ADRA1B: variants seen among roughly 807,000 people sequenced by gnomAD.
The protein encoded by ADRA1B is adrenoceptor alpha 1B.
Under a neutral mutation model 17.9 loss-of-function variants are expected in ADRA1B, and 17 were observed. The observed-to-expected ratio is 0.95, with a 90% CI of 0.65 to 1.42. ADRA1B has a LOEUF of 1.42. Among genes scored for constraint, ADRA1B ranks in the 40% most tolerant of loss-of-function variants. The pLI is 0.00. For synonymous variants in ADRA1B, 366 were observed against 327.6 expected (o/e 1.12, Z -1.27); for missense variants, 681 against 722.1 (o/e 0.94, Z 0.65).
chr5:159,987,408 C>G, the ADRA1B span, among the ~76,000 whole-genome samples: 10 of 152,318 alleles, frequency 6.6e-5, no homozygotes, highest in East Asian at 1.9e-3. Flanking sequence ...CCGCCTGGAG[C>G]GGGGCATCCT....
chr5:159,930,782 A>G (rs1039196251), intron 1 of ADRA1B, among the ~76,000 whole-genome samples: 9 of 151,918 alleles, frequency 5.9e-5, no homozygotes, highest in Non-Finnish European at 1.2e-4. Context: ...TAACCTCTGT[A>G]TTATTTCACA....
At chr5:159,889,909 C>A (rs1475060278) in intron 1 of ADRA1B, among the ~76,000 whole-genome samples, 1 of 152,192 alleles carries the variant, frequency 6.6e-6, no homozygotes, top group Non-Finnish European at 1.5e-5. Context: ...TTGAACCTAA[C>A]ACTTATGATT....
intron 1 of ADRA1B, among the ~76,000 whole-genome samples, chr5:159,889,486 C>T (rs181092168): frequency 5.4e-4 from 82 of 152,236 alleles, no homozygotes; most frequent in African/African-American, 1.8e-3. Flanking sequence ...ACTCTAGATC[C>T]CTGACTTGCC....
chr5:159,986,194 A>G, the ADRA1B span, among the ~76,000 whole-genome samples: 1 of 152,220 alleles, frequency 6.6e-6, no homozygotes, highest in South Asian at 2.1e-4. Context: ...CTCCTGGCTC[A>G]AGGGATCCTC....
At chr5:159,960,893 G>A (rs1184693301) in intron 1 of ADRA1B, among the ~76,000 whole-genome samples, 1 of 152,152 alleles carries the variant, frequency 6.6e-6, no homozygotes, top group East Asian at 1.9e-4. Flanking sequence ...CCTTTCACGT[G>A]TCAGGCACTG....
At chr5:159,978,912 T>TTTCA in the ADRA1B span, among the ~76,000 whole-genome samples, 1 of 152,250 alleles carries the variant, frequency 6.6e-6, no homozygotes, top group African/African-American at 2.4e-5. Context: ...TCATTTGTTT[T>TTTCA]TTCATTCATT....
chr5:159,934,308 G>A (rs763383206), intron 1 of ADRA1B, among the ~76,000 whole-genome samples: 1 of 152,168 alleles, frequency 6.6e-6, no homozygotes. Flanking sequence ...CTTGCCACAG[G>A]GTTGGGAATG....
chr5:159,964,074 G>C (rs1755728580), intron 1 of ADRA1B, among the ~76,000 whole-genome samples: 1 of 152,234 alleles, frequency 6.6e-6, no homozygotes, highest in Non-Finnish European at 1.5e-5. Context: ...AATTCACTAT[G>C]GATTTGGGTG....
At chr5:159,894,391 A>G (rs757843518) in intron 1 of ADRA1B, among the ~76,000 whole-genome samples, 4 of 152,238 alleles carry the variant, frequency 2.6e-5, no homozygotes, top group Non-Finnish European at 5.9e-5. Flanking sequence ...TTCAAATACC[A>G]TATAATACGC....
intron 1 of ADRA1B, among the ~76,000 whole-genome samples, chr5:159,918,247 T>C (rs1754385881): frequency 6.6e-6 from 1 of 152,194 alleles, no homozygotes; most frequent in African/African-American, 2.4e-5. Flanking sequence ...TAGTTTGTAG[T>C]TACTGCAGAC....
At chr5:159,971,856 G>GGGGGGGGGGGGGGGGT in intron 1 of ADRA1B, 23 bp from the exon 2 acceptor site, 1 of 1,306,264 alleles carries the variant, frequency 7.7e-7, no homozygotes, top group Non-Finnish European at 9.8e-7. Context: ...TTCTGCCCGT[G>GGGGGGGGGGGGGGGGT]CCCACCCCCC....
At chr5:159,974,617 C>A (rs865906620), downstream of ADRA1B, among the ~76,000 whole-genome samples, 3 of 138,630 alleles carry the variant, frequency 2.2e-5, no homozygotes, top group Non-Finnish European at 3.1e-5. Context: ...GCCTGGGTGA[C>A]AAGAGCAAGA....
intron 1 of ADRA1B, among the ~76,000 whole-genome samples, chr5:159,954,450 G>T (rs932576129): frequency 1.3e-5 from 2 of 152,088 alleles, no homozygotes; most frequent in African/African-American, 2.4e-5. Flanking sequence ...ACCTCCCAAA[G>T]GCCCCACCTC....
intron 1 of ADRA1B, among the ~76,000 whole-genome samples, chr5:159,881,487 C>T (rs1160058519): frequency 6.6e-6 from 1 of 152,052 alleles, no homozygotes; most frequent in Non-Finnish European, 1.5e-5. Flanking sequence ...AAAGACATAC[C>T]CCCTCACAGC....
intron 1 of ADRA1B, among the ~76,000 whole-genome samples, chr5:159,904,082 ATG>A (rs907424090): frequency 5.9e-5 from 9 of 152,204 alleles, no homozygotes; most frequent in African/African-American, 2.2e-4. Flanking sequence ...TTCATTTTGT[ATG>A]TCTTTCCATA....
At chr5:159,985,814 C>T in the ADRA1B span, among the ~76,000 whole-genome samples, 11 of 152,178 alleles carry the variant, frequency 7.2e-5, no homozygotes, top group Non-Finnish European at 1.3e-4. Flanking sequence ...TCCTGCATTG[C>T]GAAGAGGAGC....
At chr5:159,879,178 C>T (rs920250215) in intron 1 of ADRA1B, among the ~76,000 whole-genome samples, 1 of 152,080 alleles carries the variant, frequency 6.6e-6, no homozygotes, top group African/African-American at 2.4e-5. Flanking sequence ...CTCTGCTGTC[C>T]CAGAGGTTTC....
intron 1 of ADRA1B, among the ~76,000 whole-genome samples, chr5:159,879,589 G>A (rs928563504): frequency 2.6e-5 from 4 of 152,142 alleles, no homozygotes; most frequent in African/African-American, 9.7e-5. Context: ...GTGAAAGTCT[G>A]TGCATATCTA....
rs3730284 is a variant in ADRA1B at position 159,917,439 on chromosome 5, C to T, written c.534C>T (p.Ile178=). Reference sequence around the variant, plus strand: ...GGGTCTTGTCCACCGTCATCTCCATCGGGCCTCTCCTTGGGTGGAAGGAGC... The same window carrying T: ...GGGTCTTGTCCACCGTCATCTCCATTGGGCCTCTCCTTGGGTGGAAGGAGC... ...SVWVLSTVIS[I]GPLLGWKEPA... Residue 178 remains isoleucine, a synonymous_variant, in exon 1 of 2, where the codon ATC becomes ATT. Coordinates refer to ENST00000306675, the MANE Select transcript of ADRA1B (RefSeq NM_000679.4). The T allele has an allele frequency of 0.03, 48,457 of 1,614,144 alleles. 881 individuals carry two copies. Among genetic ancestry groups the T allele is most frequent in the Non-Finnish European group, 0.034 (40,064 of 1,180,032 alleles).
Sources: gnomAD v4.1 joint callset for allele counts (sites outside exome capture counted in the v4.1 genomes callset) on GRCh38, gnomAD v4.1.1 for gene constraint, MANE v1.5 for transcripts, NCBI Gene and HGNC (gene_info 2026-07-23, HGNC 2026-07-21) for gene names.